Variants in ERI1 observed in about 807,000 individuals in gnomAD.
ERI1 encodes the protein exoribonuclease 1.
A neutral mutation model predicts 39.7 loss-of-function variants in ERI1; 39 were observed. That is an observed-to-expected ratio of 0.98 (90% CI 0.76 to 1.28). ERI1 has a LOEUF of 1.28. ERI1 is among the 50% of genes most tolerant of loss of function. The pLI, the probability that ERI1 is intolerant of heterozygous loss-of-function variation, is 0.00. For synonymous variants in ERI1, 204 were observed against 149.6 expected, an observed-to-expected ratio of 1.36 and a Z score of -2.65; for missense variants, 581 against 416.9, an observed-to-expected ratio of 1.39 and a Z score of -3.43.
intron 3 of ERI1, among the ~76,000 whole-genome samples, chr8:9,060,824 A>G (rs1360579466): frequency 6.6e-6 from 1 of 152,138 alleles, no homozygotes; most frequent in African/African-American, 2.4e-5. Flanking sequence ...GAGCAACGGG[A>G]TCTGATGCGT....
chr8:9,080,540 T>C (rs1187854296), intron 3 of ERI1, among the ~76,000 whole-genome samples: 1 of 152,262 alleles, frequency 6.6e-6, no homozygotes, highest in Non-Finnish European at 1.5e-5. Context: ...GAGGCCACAC[T>C]GCACACCTTT....
intron 2 of ERI1, among the ~76,000 whole-genome samples, chr8:9,008,527 G>A (rs1365989860): frequency 6.6e-6 from 1 of 152,086 alleles, no homozygotes; most frequent in Non-Finnish European, 1.5e-5. Context: ...GAGTTTGTTT[G>A]AAATCAGGTA....
At chr8:9,096,847 G>A (rs1799892485) in intron 3 of ERI1, 1 of 149,888 alleles carries the variant, frequency 6.7e-6, no homozygotes, top group Non-Finnish European at 1.5e-5. Flanking sequence ...CTCCCAAAAT[G>A]CTGGATTACA....
At chr8:9,081,690 G>GT (rs10701231) in intron 3 of ERI1, among the ~76,000 whole-genome samples, 14,358 of 146,730 alleles carry the variant, frequency 0.098, 2,139 homozygotes, top group African/African-American at 0.32. Flanking sequence ...TTTTGTTTTT[G>GT]TTTTTTTTTG....
At position 9,011,623 on chromosome 8, in the gene ERI1, T is replaced by C. The variant is rs147407638; in HGVS notation, c.369T>C (p.Ala123=). ...TGATGCTGAAAGAGAGCAATTTTGCTGACAGTTATTATGACTACATTTGTA... is the reference window on the plus strand; with the variant it reads ...TGATGCTGAAAGAGAGCAATTTTGCCGACAGTTATTATGACTACATTTGTA... ...QKLMLKESNF[A]DSYYDYICII... is the part of the protein sequence containing the mutation. Residue 123 remains alanine, a synonymous_variant, in exon 3 of 7, where the codon GCT becomes GCC. Transcript: ENST00000250263. 2 of 1,613,570 alleles carry C rather than the reference T, an allele frequency of 1.2e-6. No homozygotes were observed. The highest frequency in any genetic ancestry group is 1.7e-6 in the Non-Finnish European group (2 of 1,179,618).
chr8:9,012,671 A>G (rs1386212570), intron 3 of ERI1, among the ~76,000 whole-genome samples: 1 of 152,228 alleles, frequency 6.6e-6, no homozygotes, highest in Non-Finnish European at 1.5e-5. Context: ...CTCTTACTCA[A>G]GGACGTTACT....
downstream of ERI1, among the ~76,000 whole-genome samples, chr8:9,036,279 A>G (rs1260661609): frequency 2.0e-5 from 3 of 152,228 alleles, no homozygotes; most frequent in Non-Finnish European, 1.5e-5. Flanking sequence ...CTTTTGTGAA[A>G]GCACAAATAT....
At chr8:9,017,815 G>A (rs1335671436) in intron 4 of ERI1, among the ~76,000 whole-genome samples, 1 of 152,220 alleles carries the variant, frequency 6.6e-6, no homozygotes, top group Non-Finnish European at 1.5e-5. Flanking sequence ...TGTCCTGAAA[G>A]CCTTGGAGAG....
At chr8:9,093,894 A>AT (rs1254514420) in intron 3 of ERI1, among the ~76,000 whole-genome samples, 2 of 152,190 alleles carry the variant, frequency 1.3e-5, no homozygotes, top group Non-Finnish European at 1.5e-5. Context: ...TAAAATAATT[A>AT]TTTTGTCAAT....
At chr8:9,099,305 T>G (rs1585310426) in intron 3 of ERI1, among the ~76,000 whole-genome samples, 1 of 151,284 alleles carries the variant, frequency 6.6e-6, no homozygotes, top group Non-Finnish European at 1.5e-5. Context: ...GAATTTTGTA[T>G]AAATCATCAT....
In ERI1 at chr8:9,031,698, C is replaced by G. The variant is rs1198103752; in HGVS notation, c.*1664C>G. 2.6e-5 allele frequency: 4 copies of G among 152,178 alleles called. No individual in the cohort carries two copies. The East Asian group carries it at 7.7e-4, about 29-fold the overall frequency. The allele number at this position is 152,178 out of a possible 1,614,324, so 9.4% of individuals were successfully genotyped here. ...TGTTTTCACTTTCGCCAAGTACCAACAAGCTCATGTTGTATTTCTTTTTAA... is the reference window on the plus strand; with the variant it reads ...TGTTTTCACTTTCGCCAAGTACCAAGAAGCTCATGTTGTATTTCTTTTTAA... On this transcript the variant is annotated 3_prime_UTR_variant, in exon 7 of 7. Coordinates refer to ENST00000250263, the MANE Select transcript of ERI1 (RefSeq NM_153332.4).
chr8:9,064,883 C>G (rs182882292), intron 3 of ERI1, among the ~76,000 whole-genome samples: 16 of 151,930 alleles, frequency 1.1e-4, no homozygotes, highest in Non-Finnish European at 2.1e-4. Context: ...GGGCTGAGTC[C>G]GAGAAGAGAG....
intron 3 of ERI1, among the ~76,000 whole-genome samples, chr8:9,055,835 CG>C (rs758437636): frequency 3.9e-5 from 6 of 152,056 alleles, no homozygotes; most frequent in Non-Finnish European, 7.4e-5. Flanking sequence ...CCACTGTGCC[CG>C]GGAGGAATAT....
chr8:9,011,197 A>G (rs1300207204), intron 2 of ERI1, among the ~76,000 whole-genome samples: 2 of 152,166 alleles, frequency 1.3e-5, no homozygotes, highest in Non-Finnish European at 2.9e-5. Flanking sequence ...TTTGTATCAT[A>G]TATGTTATCT....
intron 3 of ERI1, chr8:9,096,921 C>G (rs1799894267): frequency 6.6e-6 from 1 of 152,030 alleles, no homozygotes. Context: ...TGACATTCTT[C>G]TTTTCTTCAA....
chr8:9,024,764 G>A (rs779182702), intron 6 of ERI1, among the ~76,000 whole-genome samples: 34 of 152,076 alleles, frequency 2.2e-4, no homozygotes, highest in Non-Finnish European at 3.8e-4. Context: ...GCATTACAAT[G>A]CTGTTGTTGA....
chr8:9,045,235 CAAAAA>C (rs5889258), intron 3 of ERI1, among the ~76,000 whole-genome samples: 1 of 75,666 alleles, frequency 1.3e-5, no homozygotes, highest in Non-Finnish European at 2.6e-5. Context: ...GACTCTGTCT[CAAAAA>C]AAAAAAAAAA....
chr8:9,063,897 C>G (rs1798782782), intron 3 of ERI1, among the ~76,000 whole-genome samples: 2 of 151,828 alleles, frequency 1.3e-5, no homozygotes, highest in South Asian at 2.1e-4. Context: ...AGAACACAGG[C>G]TAAGGGAGAA....
intron 3 of ERI1, among the ~76,000 whole-genome samples, chr8:9,060,920 G>C (rs964783166): frequency 6.6e-6 from 1 of 152,230 alleles, no homozygotes. Flanking sequence ...AGGCATTAAT[G>C]ATGGAGGACG....
Sources: gnomAD v4.1 joint callset for allele counts (sites outside exome capture counted in the v4.1 genomes callset) on GRCh38, gnomAD v4.1.1 for gene constraint, MANE v1.5 for transcripts, NCBI Gene and HGNC (gene_info 2026-07-23, HGNC 2026-07-21) for gene names.